ELAPOR1: variants seen among roughly 807,000 people sequenced by gnomAD.
ELAPOR1 encodes endosome-lysosome associated apoptosis and autophagy regulator 1, also known as endosome/lysosome-associated apoptosis and autophagy regulator 1.
ELAPOR1 carries 77 observed loss-of-function variants against 119.7 expected under a neutral mutation model. The observed-to-expected ratio is 0.64, with a 90% confidence interval of 0.54 to 0.78. The LOEUF is 0.78. Among genes scored for constraint, ELAPOR1 ranks in the 30% least tolerant of loss-of-function variants. The probability of loss-of-function intolerance (pLI) is 0.00; values close to 1 mark genes in which losing one functional copy is unlikely to be tolerated. For missense variants in ELAPOR1, 1,115 were observed against 1,270.4 expected (o/e 0.88, Z 1.86); for synonymous variants, 481 against 487.2 (o/e 0.99, Z 0.17).
Position 109,188,255 on chromosome 1 carries a change from G to T in ELAPOR1, c.1120G>T (p.Gly374Cys), listed in dbSNP as rs1221892811. ...GGGGGCAGTGAAGCTGCCTGCCTCT[G>T]GTGTGAAGACCCACTGCCCACCCTG... ...LEGAVKLPAS[G>C]VKTHCPPCNP... The change falls in exon 9 of 22, where the codon GGT becomes TGT. Residue 374 changes from glycine to cysteine, a missense_variant. Gly to Cys is a radical substitution (Grantham distance 159, BLOSUM62 -3). Coordinates refer to ENST00000369939, the MANE Select transcript of ELAPOR1 (RefSeq NM_020775.5). 1 of 1,614,192 alleles carries T rather than the reference G, an allele frequency of 6.2e-7. No individual in the cohort carries two copies. Among genetic ancestry groups the T allele is most frequent in the Admixed American group, 1.7e-5 (1 of 60,034 alleles).
chr1:109,202,211 C>T (rs2101151129), intron 21 of ELAPOR1, among the ~76,000 whole-genome samples: 1 of 150,036 alleles, frequency 6.7e-6, no homozygotes, highest in South Asian at 2.1e-4. Context: ...CTCCCAGGTT[C>T]AAGTGGTTCT....
chr1:109,123,170 T>C (rs894844116), intron 1 of ELAPOR1, among the ~76,000 whole-genome samples: 1 of 152,170 alleles, frequency 6.6e-6, no homozygotes, highest in Non-Finnish European at 1.5e-5. Context: ...GACAGGCTGT[T>C]GGGAGCCCCT....
intron 1 of ELAPOR1, among the ~76,000 whole-genome samples, chr1:109,155,337 G>A (rs1429287324): frequency 1.3e-5 from 2 of 151,960 alleles, no homozygotes; most frequent in African/African-American, 4.8e-5. Context: ...CATCACGCCC[G>A]GCTAATTTTT....
chr1:109,188,962 TG>T, intron 9 of ELAPOR1, 103 bp from the exon 10 acceptor site: 1 of 1,383,274 alleles, frequency 7.2e-7, no homozygotes, highest in Non-Finnish European at 1.0e-6. Context: ...GCCAGGCTTC[TG>T]GGCTGCCCGC....
intron 1 of ELAPOR1, 188 bp from the exon 2 acceptor site, chr1:109,161,706 G>A (rs1474416999): frequency 1.8e-6 from 1 of 550,498 alleles, no homozygotes. Context: ...TGGCTGGGTG[G>A]AAGGGAATGA....
chr1:109,151,872 CTTTT>C (rs550341597), intron 1 of ELAPOR1, among the ~76,000 whole-genome samples: 25 of 121,092 alleles, frequency 2.1e-4, no homozygotes, highest in Middle Eastern at 3.9e-3. Context: ...CAGCCTCATC[CTTTT>C]TTTTTTTTTT....
intron 1 of ELAPOR1, among the ~76,000 whole-genome samples, chr1:109,148,220 C>A (rs1429749726): frequency 6.6e-6 from 1 of 151,672 alleles, no homozygotes. Flanking sequence ...CTCACTGCAA[C>A]CTCCGCCTCC....
chr1:109,115,560 T>C (rs576631689), intron 1 of ELAPOR1, among the ~76,000 whole-genome samples: 2 of 152,320 alleles, frequency 1.3e-5, no homozygotes, highest in South Asian at 2.1e-4. Context: ...ATTATAAGAA[T>C]GAGCCACTGC....
At chr1:109,182,848 C>A (rs1451402003) in intron 7 of ELAPOR1, among the ~76,000 whole-genome samples, 1 of 125,734 alleles carries the variant, frequency 8.0e-6, no homozygotes, top group Admixed American at 9.6e-5. Flanking sequence ...GCCTGGGCAA[C>A]AGAGCAAGAC....
At chr1:109,165,150 G>A (rs188317818) in intron 3 of ELAPOR1, among the ~76,000 whole-genome samples, 40 of 152,262 alleles carry the variant, frequency 2.6e-4, no homozygotes, top group African/African-American at 7.5e-4. Flanking sequence ...AAATTTGCCA[G>A]GTGTGGTGGT....
Position 109,164,501 on chromosome 1 carries a change from T to G in ELAPOR1, c.277T>G (p.Phe93Val). ...PDPIKGTECS[F>V]SCNAGEFLDM... ...CTTGTCTCTGCCCTGTTTTCCAGCC[T>G]TCTCCTGCAACGCCGGGGAGTTTCT... is the stretch of plus-strand genomic sequence containing the variant. Residue 93 changes from phenylalanine to valine, a missense_variant and splice_region_variant, in exon 3 of 22, where the codon TTC becomes GTC. Transcript: ENST00000369939. The G allele has an allele frequency of 6.2e-7, 1 of 1,608,368 alleles. No individual in the cohort carries two copies. Among genetic ancestry groups the G allele is most frequent in the Non-Finnish European group, 8.5e-7 (1 of 1,175,754 alleles).
At chr1:109,196,993 A>G (rs548008481) in intron 15 of ELAPOR1, among the ~76,000 whole-genome samples, 6 of 152,256 alleles carry the variant, frequency 3.9e-5, no homozygotes, top group African/African-American at 1.2e-4. Flanking sequence ...CACCATTTAT[A>G]ATAAAATTTA....
rs1470846257 is a variant in ELAPOR1, at chr1:109,205,262, AGTGACCATTTG to A, written c.*2258_*2268del. 1 of 152,218 alleles carries A rather than the reference AGTGACCATTTG, an allele frequency of 6.6e-6. No homozygotes were observed. The highest frequency in any genetic ancestry group is 1.5e-5 in the Non-Finnish European group (1 of 68,038). The allele number at this position is 152,218 out of a possible 1,614,324, so 9.4% of individuals were successfully genotyped here. A position where few individuals can be genotyped will look rare whatever the true frequency, so the allele number is the denominator to read the frequency against. ...TGATTTGTGCCTGTGCCCTTTCTCC[AGTGACCATTTG>A]GTGACCAGATGGTAGATATAGAAAG... On this transcript the variant is annotated 3_prime_UTR_variant, in exon 22 of 22. Coordinates refer to ENST00000369939, the MANE Select transcript of ELAPOR1 (RefSeq NM_020775.5).
chr1:109,198,981 G>T (rs1653998814), intron 18 of ELAPOR1, among the ~76,000 whole-genome samples: 1 of 152,182 alleles, frequency 6.6e-6, no homozygotes. Flanking sequence ...TGTTATCATG[G>T]ATGCATTTCT....
chr1:109,177,121 T>C (rs1293855275), intron 7 of ELAPOR1, among the ~76,000 whole-genome samples: 2 of 148,396 alleles, frequency 1.3e-5, no homozygotes, highest in Admixed American at 1.3e-4. Flanking sequence ...AGCTGTTGGG[T>C]ACACCTCCCA....
At chr1:109,194,332 C>A in intron 14 of ELAPOR1, 89 bp from the exon 15 acceptor site, 1 of 1,225,996 alleles carries the variant, frequency 8.2e-7, no homozygotes, top group East Asian at 2.3e-5. Flanking sequence ...TTGGGCGGGA[C>A]CAGACGGGGG....
intron 7 of ELAPOR1, among the ~76,000 whole-genome samples, chr1:109,175,799 C>A (rs148618289): frequency 0.055 from 7,025 of 128,230 alleles, 289 homozygotes; most frequent in Middle Eastern, 0.16. Flanking sequence ...TGCACTCCAG[C>A]CTGGGTGATA....
Position 109,189,851 on chromosome 1 carries a change from C to T in ELAPOR1, c.1439+169C>T, listed in dbSNP as rs533934973. On this transcript the variant is annotated intron_variant, in intron 11 of 21. Coordinates refer to ENST00000369939, the MANE Select transcript of ELAPOR1 (RefSeq NM_020775.5). Reference sequence around the variant, plus strand: ...TGACCGAGGTAACCCAATGCTATCACGTTTTTCAAGTTGCTGCCCATGTTG... The same window carrying T: ...TGACCGAGGTAACCCAATGCTATCATGTTTTTCAAGTTGCTGCCCATGTTG... Among the ~76,000 whole-genome samples the T allele has an allele frequency of 3.9e-5, 6 of 152,266 alleles. No homozygotes were observed. The East Asian group carries it at 9.6e-4, about 24-fold the overall frequency.
chr1:109,205,305 G>C lies in ELAPOR1; in HGVS notation c.*2293G>C, dbSNP rs557965852. On this transcript the variant is annotated 3_prime_UTR_variant, in exon 22 of 22. Transcript: ENST00000369939. ...AGATGGTAGATATAGAAAGGGGATG[G>C]CATTTGCAAGTGACTAGTCTGCCAC... 1.5e-4 allele frequency: 23 copies of C among 152,320 alleles called. No individual in the cohort carries two copies. Among genetic ancestry groups the C allele is most frequent in the Non-Finnish European group, 2.8e-4 (19 of 68,032 alleles). The allele number at this position is 152,320 out of a possible 1,614,324, so 9.4% of individuals were successfully genotyped here.
Sources: allele counts gnomAD v4.1 joint callset (sites outside exome capture counted in the v4.1 genomes callset), GRCh38; gene constraint gnomAD v4.1.1; transcripts MANE v1.5; gene names NCBI Gene and HGNC (gene_info 2026-07-23, HGNC 2026-07-21).